The following YIPF7 variants were observed in gnomAD, a reference collection of about 807,000 sequenced individuals.
The protein encoded by YIPF7 is protein YIPF7.
Under a neutral mutation model 27.2 loss-of-function variants are expected in YIPF7, and 35 were observed. That is an observed-to-expected ratio of 1.29 (90% CI 0.98 to 1.70). The LOEUF (loss-of-function observed/expected upper bound fraction) is 1.70, where lower values mean the gene tolerates loss of function less well. Among genes scored for constraint, YIPF7 ranks in the 40% most tolerant of loss-of-function variants. YIPF7 has a pLI of 0.00. For missense variants in YIPF7, 358 were observed against 303.7 expected, an observed-to-expected ratio of 1.18 and a Z score of -1.33; for synonymous variants, 137 against 110.4, an observed-to-expected ratio of 1.24 and a Z score of -1.51.
intron 5 of YIPF7, among the ~76,000 whole-genome samples, chr4:44,622,794 G>T (rs2109572723): frequency 6.6e-6 from 1 of 152,090 alleles, no homozygotes; most frequent in South Asian, 2.1e-4. Context: ...TGTTAAACCT[G>T]AATTAGAAAA....
chr4:44,628,255 A>T (rs1712743516), intron 4 of YIPF7, among the ~76,000 whole-genome samples: 1 of 152,152 alleles, frequency 6.6e-6, no homozygotes, highest in South Asian at 2.1e-4. Context: ...TTATCGCTAA[A>T]TACTATTGTA....
intron 3 of YIPF7, among the ~76,000 whole-genome samples, chr4:44,635,276 T>A (rs1713075806): frequency 6.6e-6 from 1 of 151,832 alleles, no homozygotes; most frequent in Non-Finnish European, 1.5e-5. Context: ...ACATACAGAC[T>A]GGCTACATAT....
At chr4:44,634,992 A>G (rs115035719) in intron 3 of YIPF7, among the ~76,000 whole-genome samples, 2,225 of 152,326 alleles carry the variant, frequency 0.015, 24 homozygotes, top group Non-Finnish European at 0.024. Flanking sequence ...TCTGTTCTGA[A>G]CAGTTTAAAT....
At chr4:44,635,652 C>T (rs1470038138) in intron 3 of YIPF7, among the ~76,000 whole-genome samples, 1 of 152,006 alleles carries the variant, frequency 6.6e-6, no homozygotes, top group Non-Finnish European at 1.5e-5. Flanking sequence ...CTATTCTTGG[C>T]CAAGGAGTTC....
At chr4:44,625,866 A>T (rs1712616493) in intron 4 of YIPF7, among the ~76,000 whole-genome samples, 1 of 152,210 alleles carries the variant, frequency 6.6e-6, no homozygotes, top group Non-Finnish European at 1.5e-5. Context: ...CATTATGCTG[A>T]TCATAACTTC....
At chr4:44,649,936 A>C (rs1485781779) in intron 2 of YIPF7, 49 bp downstream of exon 2, 4 of 965,172 alleles carry the variant, frequency 4.1e-6, no homozygotes, top group Middle Eastern at 3.1e-4. Flanking sequence ...TGTGGGTGAC[A>C]GAGTGAGACT....
At chr4:44,648,397 G>C (rs1198550487) in intron 2 of YIPF7, among the ~76,000 whole-genome samples, 1 of 152,070 alleles carries the variant, frequency 6.6e-6, no homozygotes, top group Non-Finnish European at 1.5e-5. Flanking sequence ...ATTCTGATTT[G>C]GGATTTGGGA....
intron 3 of YIPF7, among the ~76,000 whole-genome samples, chr4:44,632,287 T>A (rs2109582527): frequency 6.6e-6 from 1 of 152,304 alleles, no homozygotes; most frequent in East Asian, 1.9e-4. Context: ...AATTTATTGT[T>A]TTGCTGTCAT....
intron 3 of YIPF7, 94 bp from the exon 4 acceptor site, chr4:44,629,642 T>A: frequency 1.1e-6 from 1 of 929,962 alleles, no homozygotes. Flanking sequence ...ATCTGATTAA[T>A]TTACTTAGCA....
intron 2 of YIPF7, chr4:44,660,429 G>C (rs1491318): frequency 6.6e-6 from 1 of 151,742 alleles, no homozygotes; most frequent in Non-Finnish European, 1.5e-5. Context: ...CTTTGAGTCC[G>C]ACTGCCATGT....
intron 2 of YIPF7, 132 bp downstream of exon 2, chr4:44,649,853 C>G: frequency 3.5e-6 from 2 of 574,416 alleles, no homozygotes; most frequent in Non-Finnish European, 6.1e-6. Context: ...TTTTGTGGGT[C>G]TAGTTTAGAG....
chr4:44,642,665 G>C (rs1016555973), intron 2 of YIPF7, among the ~76,000 whole-genome samples: 1 of 152,114 alleles, frequency 6.6e-6, no homozygotes, highest in African/African-American at 2.4e-5. Context: ...TCTCATGAAT[G>C]GTTTACCACC....
intron 2 of YIPF7, among the ~76,000 whole-genome samples, chr4:44,644,883 T>A (rs79636362): frequency 0.016 from 2,427 of 152,208 alleles, 68 homozygotes; most frequent in African/African-American, 0.055. Context: ...TTTAGCACCA[T>A]CCCCCATTTC....
chr4:44,629,148 T>A (rs910504497), intron 4 of YIPF7: 3 of 315,538 alleles, frequency 9.5e-6, no homozygotes, highest in East Asian at 1.1e-4. Context: ...CTTTTCTTAA[T>A]AACAAAAAAG....
intron 2 of YIPF7, among the ~76,000 whole-genome samples, chr4:44,644,094 G>T (rs1560328271): frequency 6.6e-6 from 1 of 152,146 alleles, no homozygotes; most frequent in Non-Finnish European, 1.5e-5. Flanking sequence ...ATCTAGAAAA[G>T]CCTCAGACAT....
intron 4 of YIPF7, 87 bp downstream of exon 4, chr4:44,629,316 A>T (rs1008812004): frequency 2.3e-6 from 3 of 1,311,912 alleles, no homozygotes; most frequent in African/African-American, 1.5e-5. Flanking sequence ...AAGGTGACAC[A>T]GTTTCTCTTA....
chr4:44,629,732 T>C (rs906423136), intron 3 of YIPF7, among the ~76,000 whole-genome samples, 184 bp from the exon 4 acceptor site: 1 of 144,834 alleles, frequency 6.9e-6, no homozygotes, highest in Admixed American at 7.0e-5. Flanking sequence ...ATGTAACATA[T>C]AATAATCTTA....
Position 44,639,452 on chromosome 4 carries a change from T to C in YIPF7, c.117-3367A>G, listed in dbSNP as rs182958218. Among the ~76,000 whole-genome samples the C allele has an allele frequency of 3.0e-4, 45 of 152,288 alleles. No individual in the cohort carries two copies. The Middle Eastern group carries it at 0.014, about 46-fold the overall frequency. ...ATTCCTAAATTTTGCTTGTAATTAT[T>C]GTAAATGAGATTGCCCTCTTGATTT... On this transcript the variant is annotated intron_variant, in intron 2 of 5. Transcript: ENST00000415895.
At chr4:44,624,050 T>TTC (rs200880527) in intron 5 of YIPF7, among the ~76,000 whole-genome samples, 5 of 151,638 alleles carry the variant, frequency 3.3e-5, no homozygotes, top group African/African-American at 7.3e-5. Flanking sequence ...CAGTTTTTTT[T>TTC]TCTCTCTCTC....
Sources: allele counts gnomAD v4.1 joint callset (sites outside exome capture counted in the v4.1 genomes callset), GRCh38; gene constraint gnomAD v4.1.1; transcripts MANE v1.5; gene names NCBI Gene and HGNC (gene_info 2026-07-23, HGNC 2026-07-21).